Variants in MTMR7 observed in about 807,000 individuals in gnomAD.
MTMR7 encodes the protein myotubularin related protein 7.
In MTMR7, 76 loss-of-function variants were observed where a neutral mutation model predicts 81.2. The ratio of observed to expected loss-of-function variants is 0.94; its 90% CI spans 0.78 to 1.13. The LOEUF is 1.13. Among genes scored for constraint, MTMR7 ranks in the 50% most tolerant of loss-of-function variants. The pLI, the probability that MTMR7 is intolerant of heterozygous loss-of-function variation, is 0.00. For synonymous variants in MTMR7, 372 were observed against 289.8 expected, an observed-to-expected ratio of 1.28 and a Z score of -2.88; for missense variants, 1,044 against 820.0, an observed-to-expected ratio of 1.27 and a Z score of -3.34.
At chr8:17,306,620 A>T (rs1817471902) in intron 10 of MTMR7, among the ~76,000 whole-genome samples, 1 of 152,214 alleles carries the variant, frequency 6.6e-6, no homozygotes, top group South Asian at 2.1e-4. Context: ...AGTTTTACAG[A>T]GAATCCAAAA....
chr8:17,397,176 G>A (rs1821279750), intron 1 of MTMR7, among the ~76,000 whole-genome samples: 1 of 151,134 alleles, frequency 6.6e-6, no homozygotes, highest in Admixed American at 6.6e-5. Flanking sequence ...GACTCCTTGT[G>A]CTTGAAAAAA....
At chr8:17,387,895 G>A (rs1314619880) in intron 1 of MTMR7, among the ~76,000 whole-genome samples, 1 of 152,106 alleles carries the variant, frequency 6.6e-6, no homozygotes, top group African/African-American at 2.4e-5. Context: ...TAAATGGGCA[G>A]GTTGTTGAGT....
intron 10 of MTMR7, 116 bp from the exon 11 acceptor site, chr8:17,306,073 A>T: frequency 4.9e-6 from 4 of 815,032 alleles, no homozygotes; most frequent in Non-Finnish European, 7.5e-6. Context: ...CTTATCTTAC[A>T]AACTTGGAAT....
intron 6 of MTMR7, among the ~76,000 whole-genome samples, chr8:17,336,822 G>C (rs554659139): frequency 1.3e-5 from 2 of 152,304 alleles, no homozygotes; most frequent in South Asian, 2.1e-4. Context: ...TGTGCTCAGA[G>C]GTGGTAACCC....
intron 4 of MTMR7, among the ~76,000 whole-genome samples, chr8:17,353,246 T>C (rs1252162276): frequency 2.0e-5 from 3 of 152,046 alleles, no homozygotes; most frequent in Non-Finnish European, 4.4e-5. Flanking sequence ...GTCAAATTCA[T>C]AGAAACAAAA....
chr8:17,363,415 G>A (rs73666123), intron 3 of MTMR7, among the ~76,000 whole-genome samples: 3,232 of 152,278 alleles, frequency 0.021, 118 homozygotes, highest in African/African-American at 0.073. Flanking sequence ...TTTAAAGGTA[G>A]AAGAAGAAAA....
chr8:17,395,325 G>C (rs1334728093), intron 1 of MTMR7, among the ~76,000 whole-genome samples: 2 of 152,112 alleles, frequency 1.3e-5, no homozygotes, highest in African/African-American at 4.8e-5. Context: ...TTTGTTGATG[G>C]ACTCTTGGAT....
chr8:17,320,519 G>A (rs896471958), intron 7 of MTMR7, among the ~76,000 whole-genome samples: 1 of 152,156 alleles, frequency 6.6e-6, no homozygotes, highest in Non-Finnish European at 1.5e-5. Context: ...TCGTAGTAAG[G>A]AGGACATACA....
At chr8:17,319,231 T>G (rs1328454630) in intron 7 of MTMR7, among the ~76,000 whole-genome samples, 1 of 152,210 alleles carries the variant, frequency 6.6e-6, no homozygotes, top group Non-Finnish European at 1.5e-5. Context: ...TTACTGAGCC[T>G]CGCTGTCTTC....
At chr8:17,316,813 T>C (rs534038541) in intron 7 of MTMR7, among the ~76,000 whole-genome samples, 34 of 152,208 alleles carry the variant, frequency 2.2e-4, no homozygotes, top group Admixed American at 9.8e-4. Flanking sequence ...AAATACACCA[T>C]GTTATTATGT....
chr8:17,305,955 T>C lies in MTMR7; in HGVS notation c.1154A>G (p.Tyr385Cys), dbSNP rs1218013701. The C allele has an allele frequency of 6.2e-7, 1 of 1,611,424 alleles. No homozygotes were observed. The highest frequency in any genetic ancestry group is 1.3e-5 in the African/African-American group (1 of 74,842). ...TTTTGGGTCACCATCTAGATTGCCA[T>C]ATCTATAAAACAAAGCATTAGAGAC... ...ISFGHKFNHR[Y>C]GNLDGDPKEI... is the part of the protein sequence containing the mutation. The change falls in exon 11 of 14, where the codon TAT becomes TGT. Residue 385 changes from tyrosine to cysteine, a missense_variant and splice_region_variant. By Grantham distance (194) the Tyr-to-Cys change is radical. Transcript: ENST00000180173.
intron 7 of MTMR7, among the ~76,000 whole-genome samples, chr8:17,328,205 C>T (rs982178802): frequency 2.0e-5 from 3 of 149,082 alleles, no homozygotes; most frequent in East Asian, 2.0e-4. Context: ...CCTATCAGTG[C>T]CTGCTGACCT....
At chr8:17,302,670 G>T (rs183740142) in intron 12 of MTMR7, among the ~76,000 whole-genome samples, 2 of 115,628 alleles carry the variant, frequency 1.7e-5, no homozygotes, top group South Asian at 3.0e-4. Context: ...TTTGTATCAC[G>T]ACCACTAAAA....
intron 4 of MTMR7, among the ~76,000 whole-genome samples, chr8:17,356,796 T>C (rs1013122872): frequency 1.3e-5 from 2 of 152,164 alleles, no homozygotes; most frequent in African/African-American, 4.8e-5. Flanking sequence ...GAAGTGGCAC[T>C]GTGGGATCAA....
chr8:17,338,053 G>T (rs1173597461), intron 6 of MTMR7, among the ~76,000 whole-genome samples: 1 of 152,172 alleles, frequency 6.6e-6, no homozygotes, highest in Non-Finnish European at 1.5e-5. Flanking sequence ...TGGCTACCAA[G>T]GAGGCCTAAC....
chr8:17,347,158 GCACTC>G (rs1379416984), intron 5 of MTMR7, among the ~76,000 whole-genome samples: 3 of 149,544 alleles, frequency 2.0e-5, no homozygotes, highest in Non-Finnish European at 4.4e-5. Context: ...TTGTGCCACT[GCACTC>G]CAGCCTGGGC....
chr8:17,367,955 T>C (rs573996890), intron 3 of MTMR7, among the ~76,000 whole-genome samples: 8 of 152,084 alleles, frequency 5.3e-5, no homozygotes, highest in African/African-American at 1.7e-4. Flanking sequence ...TCAGAGACCT[T>C]GACTTAAATG....
rs1036407583 is a variant in MTMR7, at chr8:17,397,357, G to T, written c.24+15912C>A. Among the ~76,000 whole-genome samples the T allele has an allele frequency of 2.6e-5, 4 of 152,082 alleles. 1 individual carries two copies. Among genetic ancestry groups the T allele is most frequent in the Non-Finnish European group, 5.9e-5 (4 of 67,968 alleles). Reference sequence around the variant, plus strand: ...GGGAGCTCAATGCCCTGAAGGGTGGGCTCCAAGCCTCGCAGAATTCACCAC... The same window carrying T: ...GGGAGCTCAATGCCCTGAAGGGTGGTCTCCAAGCCTCGCAGAATTCACCAC... On this transcript the variant is annotated intron_variant, in intron 1 of 13. Coordinates refer to ENST00000180173, the MANE Select transcript of MTMR7 (RefSeq NM_004686.5).
At chr8:17,362,146 T>TA (rs913002251) in intron 3 of MTMR7, among the ~76,000 whole-genome samples, 4 of 152,172 alleles carry the variant, frequency 2.6e-5, no homozygotes, top group South Asian at 4.2e-4. Context: ...GTAGCCACAT[T>TA]AAAAAAAAGT....
Sources: allele counts gnomAD v4.1 joint callset (sites outside exome capture counted in the v4.1 genomes callset), GRCh38; gene constraint gnomAD v4.1.1; transcripts MANE v1.5; gene names NCBI Gene and HGNC (gene_info 2026-07-23, HGNC 2026-07-21).